Variants in STARD13 observed in about 807,000 individuals in gnomAD.
STARD13 encodes StAR related lipid transfer domain containing 13, also known as stAR-related lipid transfer protein 13.
STARD13 carries 62 observed loss-of-function variants against 106.4 expected under a neutral mutation model. That is an observed-to-expected ratio of 0.58 (90% CI 0.48 to 0.72). STARD13 has a LOEUF of 0.72. Ranked by LOEUF, STARD13 falls within the 30% of genes least tolerant of loss-of-function variation. The pLI is 0.00. For missense variants in STARD13, 1,387 were observed against 1,424.0 expected (o/e 0.97, Z 0.42); for synonymous variants, 565 against 553.0 (o/e 1.02, Z -0.31).
chr13:33,590,150 T>C, the STARD13 span, among the ~76,000 whole-genome samples: 1 of 152,310 alleles, frequency 6.6e-6, no homozygotes, highest in African/African-American at 2.4e-5. Flanking sequence ...CACAATGAGA[T>C]ACCATCTCAC....
chr13:33,341,405 G>A (rs2077958708), intron 1 of STARD13, among the ~76,000 whole-genome samples: 1 of 152,096 alleles, frequency 6.6e-6, no homozygotes, highest in Non-Finnish European at 1.5e-5. Context: ...TTGAGAGGCC[G>A]AGGTGGGCGG....
chr13:33,109,889 C>T lies in STARD13; in HGVS notation c.3031G>A (p.Asp1011Asn), dbSNP rs749927431. Residue 1011 changes from aspartate (D) to asparagine (N), a missense_variant, in exon 12 of 14, where the codon GAC becomes AAC. By Grantham distance (23) the Asp-to-Asn change is conservative (BLOSUM62 1). Transcript: ENST00000336934. Reference sequence around the variant, plus strand: ...CAGGCTCACCTGAGAACCACAAAGTCTCTGGAAGGATGGGGAGCCATGCTG... The same window carrying T: ...CAGGCTCACCTGAGAACCACAAAGTTTCTGGAAGGATGGGGAGCCATGCTG... ...LNSMAPHPSR[D>N]FVVLRTWKTD... 1.2e-5 allele frequency: 20 copies of T among 1,614,258 alleles called. No individual in the cohort carries two copies. In the South Asian group the frequency reaches 1.9e-4, roughly 15 times the overall value.
chr13:33,226,913 G>T (rs1173540454), intron 1 of STARD13, among the ~76,000 whole-genome samples: 1 of 152,000 alleles, frequency 6.6e-6, no homozygotes, highest in Admixed American at 6.5e-5. Context: ...TGTTTTTAAA[G>T]ATTTTTAGGG....
the STARD13 span, among the ~76,000 whole-genome samples, chr13:33,503,095 C>G: frequency 1.3e-5 from 2 of 152,136 alleles, no homozygotes; most frequent in Non-Finnish European, 2.9e-5. Flanking sequence ...TAACTTCTTC[C>G]TGGTTTAGGC....
At chr13:33,483,815 C>G in the STARD13 span, among the ~76,000 whole-genome samples, 2 of 152,182 alleles carry the variant, frequency 1.3e-5, no homozygotes, top group Non-Finnish European at 2.9e-5. Context: ...CTCACACTCT[C>G]TGTGATTGGC....
the STARD13 span, among the ~76,000 whole-genome samples, chr13:33,380,784 G>C: frequency 1.3e-5 from 2 of 152,002 alleles, no homozygotes; most frequent in Admixed American, 1.3e-4. Context: ...AGCAGGCTAG[G>C]CCTTTCCAAC....
chr13:33,116,862 A>G (rs1019688182), intron 8 of STARD13, among the ~76,000 whole-genome samples: 3 of 152,178 alleles, frequency 2.0e-5, no homozygotes, highest in Non-Finnish European at 4.4e-5. Flanking sequence ...TCTGATTACA[A>G]TCCTTTCTGA....
At chr13:33,459,114 T>C in the STARD13 span, among the ~76,000 whole-genome samples, 1 of 152,318 alleles carries the variant, frequency 6.6e-6, no homozygotes, top group Non-Finnish European at 1.5e-5. Flanking sequence ...TGATGTAAGA[T>C]AAATTGCATA....
At chr13:33,499,544 T>TTCA in the STARD13 span, among the ~76,000 whole-genome samples, 1 of 51,466 alleles carries the variant, frequency 1.9e-5, no homozygotes, top group African/African-American at 7.1e-5. Context: ...CTTCTTCTTC[T>TTCA]TCTTCTTCTT....
the STARD13 span, among the ~76,000 whole-genome samples, chr13:33,447,720 A>G: frequency 6.6e-6 from 1 of 152,238 alleles, no homozygotes; most frequent in African/African-American, 2.4e-5. Flanking sequence ...AAGATGCTCA[A>G]TAAGACACAC....
chr13:33,524,915 T>C, the STARD13 span, among the ~76,000 whole-genome samples: 1 of 152,126 alleles, frequency 6.6e-6, no homozygotes, highest in Admixed American at 6.6e-5. Context: ...TAGTATTGAT[T>C]GTAGTCACCA....
intron 1 of STARD13, among the ~76,000 whole-genome samples, chr13:33,208,098 C>A (rs976587311): frequency 1.1e-4 from 16 of 152,270 alleles, no homozygotes; most frequent in African/African-American, 3.6e-4. Context: ...TAAAAAACCT[C>A]CTAAAATGTG....
intron 1 of STARD13, among the ~76,000 whole-genome samples, chr13:33,180,212 C>T (rs1885097707): frequency 6.6e-6 from 1 of 152,190 alleles, no homozygotes; most frequent in Admixed American, 6.5e-5. Flanking sequence ...CATTTGGACA[C>T]ATTCAGAAAT....
the STARD13 span, among the ~76,000 whole-genome samples, chr13:33,433,333 G>A: frequency 0.49 from 75,011 of 152,006 alleles, 19,532 homozygotes; most frequent in African/African-American, 0.67. Flanking sequence ...GAGAAACCAG[G>A]AACTGCTTTG....
chr13:33,126,803 A>G (rs1169762639), intron 6 of STARD13, among the ~76,000 whole-genome samples: 1 of 152,266 alleles, frequency 6.6e-6, no homozygotes, highest in Non-Finnish European at 1.5e-5. Flanking sequence ...TATAAAACAT[A>G]GAACAATTAC....
At chr13:33,543,455 G>C in the STARD13 span, among the ~76,000 whole-genome samples, 2 of 152,160 alleles carry the variant, frequency 1.3e-5, no homozygotes, top group African/African-American at 4.8e-5. Context: ...CCCAAAGTTA[G>C]TAAAATCAAC....
the STARD13 span, among the ~76,000 whole-genome samples, chr13:33,674,515 C>T: frequency 1.3e-5 from 2 of 152,118 alleles, no homozygotes; most frequent in Admixed American, 1.3e-4. Flanking sequence ...AGCAGTAAGA[C>T]CAATGAAGAG....
At chr13:33,394,504 C>G in the STARD13 span, among the ~76,000 whole-genome samples, 16 of 152,274 alleles carry the variant, frequency 1.1e-4, no homozygotes, top group African/African-American at 3.4e-4. Flanking sequence ...AACATGAAAT[C>G]ATGATCCTCT....
the STARD13 span, among the ~76,000 whole-genome samples, chr13:33,400,368 A>C: frequency 6.6e-6 from 1 of 152,132 alleles, no homozygotes; most frequent in South Asian, 2.1e-4. Context: ...TTCTTTATCC[A>C]TTTATACTTT....
Sources: gnomAD v4.1 joint callset for allele counts (sites outside exome capture counted in the v4.1 genomes callset) on GRCh38, gnomAD v4.1.1 for gene constraint, MANE v1.5 for transcripts, NCBI Gene and HGNC (gene_info 2026-07-23, HGNC 2026-07-21) for gene names.